Variants in MROH1 observed in about 807,000 individuals in gnomAD.
The protein encoded by MROH1 is maestro heat like repeat family member 1.
MROH1 carries 117 observed loss-of-function variants against 116.5 expected under a neutral mutation model. That is an observed-to-expected ratio of 1.00 (90% CI 0.86 to 1.17). The LOEUF (loss-of-function observed/expected upper bound fraction) is 1.17. Among genes scored for constraint, MROH1 ranks in the 50% most tolerant of loss-of-function variants. The pLI is 0.00. For synonymous variants in MROH1, 921 were observed against 583.9 expected (o/e 1.58, Z -8.32); for missense variants, 1,873 against 1,338.5 (o/e 1.40, Z -6.23).
chr8:144,161,459 G>T (rs1819507586), intron 2 of MROH1, among the ~76,000 whole-genome samples: 1 of 152,160 alleles, frequency 6.6e-6, no homozygotes, highest in Non-Finnish European at 1.5e-5. Flanking sequence ...GTATCGGCCG[G>T]CACTCCCCGT....
At chr8:144,259,100 G>T (rs1398853530) in intron 36 of MROH1, 140 bp from the exon 37 acceptor site, 1 of 680,908 alleles carries the variant, frequency 1.5e-6, no homozygotes, top group East Asian at 2.7e-5. Context: ...GAGGCAAGCT[G>T]GGAGGCATCT....
intron 4 of MROH1, among the ~76,000 whole-genome samples, chr8:144,177,653 T>C (rs2131265826): frequency 6.6e-6 from 1 of 152,256 alleles, no homozygotes; most frequent in South Asian, 2.1e-4. Flanking sequence ...CATGTTGAAA[T>C]GTAATCCCCA....
chr8:144,226,700 G>A (rs917042428), intron 14 of MROH1, among the ~76,000 whole-genome samples: 2 of 152,104 alleles, frequency 1.3e-5, no homozygotes, highest in East Asian at 1.9e-4. Context: ...TGATCCACCC[G>A]CCTCGGCCTC....
intron 4 of MROH1, among the ~76,000 whole-genome samples, chr8:144,169,131 A>G (rs931029506): frequency 1.3e-5 from 2 of 152,100 alleles, no homozygotes; most frequent in Non-Finnish European, 2.9e-5. Flanking sequence ...GCATTGTTTG[A>G]AACTGTTATG....
intron 3 of MROH1, among the ~76,000 whole-genome samples, chr8:144,166,043 T>C (rs1476268675): frequency 2.0e-5 from 3 of 152,098 alleles, no homozygotes; most frequent in Non-Finnish European, 4.4e-5. Flanking sequence ...CACACCTGGC[T>C]AATTTTTATA....
intron 12 of MROH1, chr8:144,200,863 A>G (rs1382609191): frequency 6.7e-6 from 2 of 296,902 alleles, no homozygotes; most frequent in East Asian, 1.3e-4. Flanking sequence ...CCACTGCTCT[A>G]GCTCATTCTG....
chr8:144,167,140 C>T (rs941757699), intron 3 of MROH1, among the ~76,000 whole-genome samples: 11 of 152,082 alleles, frequency 7.2e-5, no homozygotes, highest in Non-Finnish European at 1.3e-4. Context: ...AGAGAGGGGA[C>T]ATCCACAAAC....
chr8:144,164,529 C>G (rs2130890959), intron 3 of MROH1, among the ~76,000 whole-genome samples: 1 of 152,116 alleles, frequency 6.6e-6, no homozygotes, highest in Non-Finnish European at 1.5e-5. Flanking sequence ...CTCAGCCTCC[C>G]AAGTAGCTGG....
At chr8:144,195,043 T>C (rs1259578880) in intron 10 of MROH1, among the ~76,000 whole-genome samples, 3 of 150,606 alleles carry the variant, frequency 2.0e-5, no homozygotes, top group Non-Finnish European at 3.0e-5. Context: ...CAGAAACTTA[T>C]TAACAGCCAG....
At chr8:144,251,985 G>A (rs897225952) in intron 33 of MROH1, 18 of 217,812 alleles carry the variant, frequency 8.3e-5, no homozygotes, top group South Asian at 7.7e-4. Flanking sequence ...TTCCTCTGCC[G>A]GGCAGTGCCG....
chr8:144,237,197 G>A (rs1429586116), intron 14 of MROH1, among the ~76,000 whole-genome samples: 3 of 152,154 alleles, frequency 2.0e-5, no homozygotes, highest in Non-Finnish European at 2.9e-5. Flanking sequence ...GAGCCACCAC[G>A]CCTGGCCAGA....
intron 3 of MROH1, among the ~76,000 whole-genome samples, chr8:144,167,291 G>GT: frequency 2.9e-5 from 4 of 138,540 alleles, no homozygotes; most frequent in Admixed American, 7.3e-5. Flanking sequence ...TGGCCGGTTG[G>GT]GGTGGAGTGG....
chr8:144,174,220 A>G lies in MROH1; in HGVS notation c.169-5235A>G, dbSNP rs547707098. ...GAAGGGTGGGGATCAATCAGAGGAA[A>G]GCACACCAGACAGGAAGACAGGCTC... On this transcript the variant is annotated intron_variant, in intron 4 of 43. Transcript: ENST00000326134. Among the ~76,000 whole-genome samples the G allele has an allele frequency of 7.9e-5, 12 of 152,294 alleles. No individual in the cohort carries two copies. In the East Asian group the frequency reaches 2.3e-3, roughly 29 times the overall value.
intron 2 of MROH1, among the ~76,000 whole-genome samples, chr8:144,161,597 T>C (rs1819544196): frequency 6.6e-6 from 1 of 152,248 alleles, no homozygotes; most frequent in Non-Finnish European, 1.5e-5. Context: ...CATTTTCTGA[T>C]GTCCATTGTC....
In MROH1 at chr8:144,244,997, G is replaced by A. The variant is rs990813753; in HGVS notation, c.2767-159G>A. On this transcript the variant is annotated intron_variant, in intron 28 of 43. Coordinates refer to ENST00000326134, the MANE Select transcript of MROH1 (RefSeq NM_032450.3). ...AGAGTGGCAGGGCCAGAGGAGCTAC[G>A]GTGGCCTAAGGCTGGCACCACTCTG... is the stretch of plus-strand genomic sequence containing the variant. 2.7e-3 allele frequency among the ~76,000 whole-genome samples: 411 copies of A among 152,282 alleles called. 1 individual carries two copies. The highest frequency in any genetic ancestry group is 4.8e-3 in the Non-Finnish European group (323 of 67,994).
chr8:144,196,026 C>T (rs1040682645), intron 10 of MROH1, among the ~76,000 whole-genome samples: 1 of 152,114 alleles, frequency 6.6e-6, no homozygotes, highest in Admixed American at 6.5e-5. Flanking sequence ...CACAGTGGCT[C>T]ACGCCTGTAA....
intron 14 of MROH1, among the ~76,000 whole-genome samples, chr8:144,233,332 C>G (rs945554782): frequency 2.7e-5 from 4 of 150,202 alleles, no homozygotes; most frequent in Non-Finnish European, 5.9e-5. Flanking sequence ...CATTCCCTCC[C>G]CCGCAGCTCC....
At chr8:144,248,786 C>T (rs1300552447) in intron 31 of MROH1, 91 bp from the exon 32 acceptor site, 11 of 721,714 alleles carry the variant, frequency 1.5e-5, no homozygotes, top group Non-Finnish European at 2.6e-5. Context: ...GGCTTCCCGC[C>T]CTAACGCGAG....
At chr8:144,173,054 C>T (rs1822894988) in intron 4 of MROH1, among the ~76,000 whole-genome samples, 1 of 149,116 alleles carries the variant, frequency 6.7e-6, no homozygotes, top group African/African-American at 2.5e-5. Context: ...CTAAGTGGGC[C>T]TTTTCCAACT....
Sources: gnomAD v4.1 joint callset for allele counts (sites outside exome capture counted in the v4.1 genomes callset) on GRCh38, gnomAD v4.1.1 for gene constraint, MANE v1.5 for transcripts, NCBI Gene and HGNC (gene_info 2026-07-23, HGNC 2026-07-21) for gene names.